Variants in TRIP12 observed in about 807,000 individuals in gnomAD.
TRIP12 encodes the protein thyroid hormone receptor interactor 12.
In TRIP12, 25 loss-of-function variants were observed where a neutral mutation model predicts 244.2. The ratio of observed to expected loss-of-function variants is 0.10; its 90% CI spans 0.07 to 0.14. The LOEUF is 0.14. TRIP12 is among the 10% of genes least tolerant of loss of function. The pLI is 1.00. For synonymous variants in TRIP12, 905 were observed against 873.1 expected (o/e 1.04, Z -0.64); for missense variants, 1,677 against 2,486.4 (o/e 0.67, Z 6.92).
Position 229,804,141 on chromosome 2 carries a change from A to G in TRIP12, c.2737T>C (p.Leu913=). The G allele has an allele frequency of 6.2e-7, 1 of 1,614,126 alleles. No homozygotes were observed. The highest frequency in any genetic ancestry group is 8.5e-7 in the Non-Finnish European group (1 of 1,180,006). The part of the protein sequence containing the change: ...PELAKSFIKT[L]FGVLYEVYSS... ...TACACTTCATAAAGAACACCAAATA[A>G]TGTCTTAATAAAAGACTTAGCCAGT... Residue 913 remains leucine, a synonymous_variant, in exon 19 of 42, where the codon TTA becomes CTA. Transcript: ENST00000675903.
Position 229,778,799 on chromosome 2 carries a change from A to G in TRIP12, c.5209+77T>C. On this transcript the variant is annotated intron_variant, in intron 35 of 41. Coordinates refer to ENST00000675903, the MANE Select transcript of TRIP12 (RefSeq NM_001348323.3). This position sits in a 1 kb window ranked among gnomAD's most constrained non-coding sequence, Gnocchi z 4.1. ...AAGTACAGCTGTCCATTAGAAATTA[A>G]ATATGTCTAATAAACTGTCAGAGTC... 1 of 1,405,248 alleles carries G rather than the reference A, an allele frequency of 7.1e-7. No homozygotes were observed. The highest frequency in any genetic ancestry group is 9.9e-7 in the Non-Finnish European group (1 of 1,005,742). The allele number at this position is 1,405,248 out of a possible 1,614,324, so 87.0% of individuals were successfully genotyped here. A position where few individuals can be genotyped will look rare whatever the true frequency, so the allele number is the denominator to read the frequency against.
intron 1 of TRIP12, among the ~76,000 whole-genome samples, chr2:229,903,249 A>G (rs1319972284): frequency 6.6e-6 from 1 of 152,092 alleles, no homozygotes; most frequent in Non-Finnish European, 1.5e-5. Flanking sequence ...ATGGCAGAGC[A>G]GAAACACACA....
chr2:229,906,730 A>C (rs1261564227), intron 1 of TRIP12, among the ~76,000 whole-genome samples: 1 of 151,784 alleles, frequency 6.6e-6, no homozygotes, highest in Non-Finnish European at 1.5e-5. Flanking sequence ...AAAACAAAAA[A>C]AAAAAAAGAA....
chr2:229,818,367 A>T lies in TRIP12; in HGVS notation c.1596T>A (p.Ala532=), dbSNP rs1329046799. The T allele has an allele frequency of 6.2e-7, 1 of 1,613,614 alleles. No individual in the cohort carries two copies. Among genetic ancestry groups the T allele is most frequent in the East Asian group, 2.2e-5 (1 of 44,864 alleles). ...GAGGGAAAAACATTATGCTTACCAA[A>T]GCTGGAACAACACTCTTGACAGGAA... ...GGFPVKSVVP[A]LITLLQMEHN... Residue 532 remains alanine, a synonymous_variant, in exon 9 of 42, where the codon GCT becomes GCA. Transcript: ENST00000675903.
intron 6 of TRIP12, among the ~76,000 whole-genome samples, chr2:229,831,539 GA>G (rs1559711255): frequency 2.6e-5 from 4 of 152,194 alleles, no homozygotes; most frequent in Non-Finnish European, 5.9e-5. Flanking sequence ...CCTGAGTCGA[GA>G]GCACTGCTTG....
In TRIP12 at chr2:229,797,769, G is replaced by T. The variant is rs745682808; in HGVS notation, c.3545C>A (p.Ser1182Tyr). ...AHKFVERYFS[S>Y]ENMDGSNPAL... ...AGGGTTGCTTCCATCCATATTCTCA[G>T]AACTGAAATAACGTTCTACAAATTT... Residue 1182 changes from serine to tyrosine, a missense_variant, in exon 24 of 42, where the codon TCT becomes TAT. Physicochemically the swap from Ser to Tyr is moderately radical, Grantham distance 144 (BLOSUM62 -2). Around this residue, in one of 11 missense-constraint regions of TRIP12, gnomAD observed 572 missense variants for 867.8 expected, o/e 0.66. Coordinates refer to ENST00000675903, the MANE Select transcript of TRIP12 (RefSeq NM_001348323.3). 1.2e-6 allele frequency: 2 copies of T among 1,613,978 alleles called. No individual in the cohort carries two copies. Among genetic ancestry groups the T allele is most frequent in the Non-Finnish European group, 1.7e-6 (2 of 1,179,922 alleles).
At chr2:229,771,997 A>G (rs2034515718) in intron 38 of TRIP12, among the ~76,000 whole-genome samples, 1 of 152,270 alleles carries the variant, frequency 6.6e-6, no homozygotes, top group Non-Finnish European at 1.5e-5. Flanking sequence ...TAATGTTTGA[A>G]GAATCACAAT....
chr2:229,769,452 C>T (rs2033311138), intron 39 of TRIP12, 127 bp from the exon 40 acceptor site: 5 of 439,588 alleles, frequency 1.1e-5, no homozygotes, highest in Non-Finnish European at 1.1e-5. Context: ...CTTGGGACCT[C>T]TTTCCAAAAA....
At chr2:229,823,243 C>T (rs142355588) in intron 8 of TRIP12, among the ~76,000 whole-genome samples, 3 of 152,254 alleles carry the variant, frequency 2.0e-5, no homozygotes, top group Non-Finnish European at 2.9e-5. Context: ...GAAGGGCAAG[C>T]ACATTAAGGG....
rs1474181266 is a variant in TRIP12 at position 229,778,034 on chromosome 2, C to G, written c.5364+399G>C. Reference sequence around the variant, plus strand: ...CTGATCACTCGGGTTATTTTCACAACAGCACTCTAATGTAAATTTAATGAA... The same window carrying G: ...CTGATCACTCGGGTTATTTTCACAAGAGCACTCTAATGTAAATTTAATGAA... On this transcript the variant is annotated intron_variant, in intron 36 of 41. Transcript: ENST00000675903. This position sits in a 1 kb window ranked among gnomAD's most constrained non-coding sequence, Gnocchi z 4.1. Among the ~76,000 whole-genome samples, 2 of 152,206 alleles carry G rather than the reference C, an allele frequency of 1.3e-5. No homozygotes were observed. Among genetic ancestry groups the G allele is most frequent in the Admixed American group, 1.3e-4 (2 of 15,286 alleles).
Position 229,796,583 on chromosome 2 carries a change from T to C in TRIP12, c.3816+8A>G, listed in dbSNP as rs990483566. On this transcript the variant is annotated splice_region_variant and intron_variant, in intron 25 of 41. Coordinates refer to ENST00000675903, the MANE Select transcript of TRIP12 (RefSeq NM_001348323.3). ...TAAAAGATACACAGGCATTATTAGATAACTTACTGGAGAAGAAAAAAATAC... is the reference window on the plus strand; with the variant it reads ...TAAAAGATACACAGGCATTATTAGACAACTTACTGGAGAAGAAAAAAATAC... 1.9e-6 allele frequency: 3 copies of C among 1,572,008 alleles called. No individual in the cohort carries two copies. Among genetic ancestry groups the C allele is most frequent in the Non-Finnish European group, 2.6e-6 (3 of 1,164,144 alleles).
chr2:229,817,322 C>T (rs904678035), intron 9 of TRIP12, among the ~76,000 whole-genome samples: 2 of 152,140 alleles, frequency 1.3e-5, no homozygotes, highest in Admixed American at 1.3e-4. Flanking sequence ...TTATGTTTGT[C>T]TTTTGGTAGT....
At chr2:229,884,047 G>A (rs1300748676) in intron 1 of TRIP12, among the ~76,000 whole-genome samples, 1 of 151,170 alleles carries the variant, frequency 6.6e-6, no homozygotes, top group Admixed American at 6.6e-5. Flanking sequence ...GGGGGCAGAG[G>A]TTGCAGTGAG....
chr2:229,839,106 C>G (rs760296350), intron 5 of TRIP12, among the ~76,000 whole-genome samples: 1 of 152,172 alleles, frequency 6.6e-6, no homozygotes, highest in African/African-American at 2.4e-5. Flanking sequence ...CGTATATGAC[C>G]GTGGTCCTGC....
chr2:229,799,386 G>A lies in TRIP12; in HGVS notation c.3207-3C>T. The stretch of plus-strand genomic sequence containing the variant: ...TCTTTAGAACATCACTTAATCGACT[G>A]TCCATGGGAAAATATGAGATAAGTT... On this transcript the variant is annotated splice_region_variant and splice_polypyrimidine_tract_variant and intron_variant, in intron 21 of 41. Transcript: ENST00000675903. 3 of 1,613,538 alleles carry A rather than the reference G, an allele frequency of 1.9e-6. No individual in the cohort carries two copies. Among genetic ancestry groups the A allele is most frequent in the Non-Finnish European group, 2.5e-6 (3 of 1,179,452 alleles).
chr2:229,791,286 G>C (rs2041458723), intron 29 of TRIP12, 35 bp from the exon 30 acceptor site: 2 of 1,610,350 alleles, frequency 1.2e-6, no homozygotes, highest in Non-Finnish European at 1.7e-6. Flanking sequence ...ACCAAATGTA[G>C]ATTTTGAAAC....
In TRIP12 at chr2:229,797,643, C is replaced by A. The variant is rs774248623; in HGVS notation, c.3624+47G>T. 5.0e-6 allele frequency: 8 copies of A among 1,599,266 alleles called. No individual in the cohort carries two copies. In the African/African-American group the frequency reaches 1.1e-4, roughly 21 times the overall value. ...TGAAGGAAAAGAGTAGCAGGAGATG[C>A]TGGGAAGAGACTGAAAAAGACCAGC... is the stretch of plus-strand genomic sequence containing the variant. On this transcript the variant is annotated intron_variant, in intron 24 of 41. Coordinates refer to ENST00000675903, the MANE Select transcript of TRIP12 (RefSeq NM_001348323.3).
At chr2:229,819,749 G>C (rs2049523733) in intron 8 of TRIP12, among the ~76,000 whole-genome samples, 1 of 152,130 alleles carries the variant, frequency 6.6e-6, no homozygotes, top group Non-Finnish European at 1.5e-5. Context: ...ATTGAGTACT[G>C]AAATGTGTAG....
intron 4 of TRIP12, among the ~76,000 whole-genome samples, chr2:229,849,062 G>C (rs191187142): frequency 2.0e-5 from 3 of 152,190 alleles, no homozygotes; most frequent in East Asian, 3.8e-4. Flanking sequence ...GGCTGAAGCC[G>C]TATAACCAGG....
Sources: allele counts gnomAD v4.1 joint callset (sites outside exome capture counted in the v4.1 genomes callset), GRCh38; gene constraint gnomAD v4.1.1; regional missense constraint gnomAD v4.1.1; non-coding constraint Gnocchi (gnomAD v3.1); transcripts MANE v1.5; gene names NCBI Gene and HGNC (gene_info 2026-07-23, HGNC 2026-07-21).